The following SLC38A6 variants were observed in gnomAD, a reference collection of about 807,000 sequenced individuals.
SLC38A6 encodes the protein solute carrier family 38 member 6.
In SLC38A6, 73 loss-of-function variants were observed where a neutral mutation model predicts 65.0. The ratio of observed to expected loss-of-function variants is 1.12; its 90% CI spans 0.93 to 1.37. The LOEUF is 1.37. Ranked by LOEUF, SLC38A6 falls within the 40% of genes most tolerant of loss-of-function variation. The probability of loss-of-function intolerance (pLI) is 0.00; values close to 1 mark genes in which losing one functional copy is unlikely to be tolerated. For synonymous variants in SLC38A6, 183 were observed against 178.8 expected (o/e 1.02, Z -0.19); for missense variants, 561 against 531.1 (o/e 1.06, Z -0.55).
chr14:61,047,903 A>G (rs2042247990), intron 12 of SLC38A6, among the ~76,000 whole-genome samples: 1 of 152,036 alleles, frequency 6.6e-6, no homozygotes, highest in Non-Finnish European at 1.5e-5. Flanking sequence ...TATATGATTG[A>G]TTAATAGGTA....
intron 4 of SLC38A6, among the ~76,000 whole-genome samples, chr14:61,017,497 A>G (rs955198112): frequency 2.6e-5 from 4 of 152,218 alleles, no homozygotes; most frequent in African/African-American, 9.6e-5. Context: ...TTTCTGTTCT[A>G]GAGGATTAGG....
chr14:60,989,448 G>T (rs2037699682), intron 3 of SLC38A6, among the ~76,000 whole-genome samples: 1 of 152,102 alleles, frequency 6.6e-6, no homozygotes, highest in Non-Finnish European at 1.5e-5. Context: ...ACCAGGCCAG[G>T]TGTGGTGTCT....
chr14:60,984,935 A>C, intron 3 of SLC38A6, 132 bp downstream of exon 3: 1 of 853,174 alleles, frequency 1.2e-6, no homozygotes, highest in Non-Finnish European at 1.8e-6. Flanking sequence ...ATCGGAATGG[A>C]GAATTTGAAA....
At chr14:61,037,019 C>T (rs1468026623) in intron 6 of SLC38A6, 40 bp from the exon 7 acceptor site, 3 of 1,055,752 alleles carry the variant, frequency 2.8e-6, no homozygotes, top group African/African-American at 1.6e-5. Flanking sequence ...AGAACAAACA[C>T]TGGAGTCCCA....
chr14:61,022,029 T>G (rs563478167), intron 5 of SLC38A6, among the ~76,000 whole-genome samples: 2 of 152,296 alleles, frequency 1.3e-5, no homozygotes, highest in Non-Finnish European at 2.9e-5. Context: ...TTTGTTAAAT[T>G]GTTGGACGGT....
intron 3 of SLC38A6, among the ~76,000 whole-genome samples, chr14:61,000,876 G>A (rs1211783893): frequency 6.6e-6 from 1 of 152,110 alleles, no homozygotes; most frequent in Non-Finnish European, 1.5e-5. Context: ...TGACTGAAAG[G>A]CAATAGATAT....
intron 8 of SLC38A6, among the ~76,000 whole-genome samples, chr14:61,042,727 T>C (rs2041884275): frequency 6.6e-6 from 1 of 152,230 alleles, no homozygotes; most frequent in African/African-American, 2.4e-5. Context: ...ATAAAGTCTG[T>C]ACTTATTTCT....
At chr14:61,026,884 A>C (rs558836437) in intron 5 of SLC38A6, among the ~76,000 whole-genome samples, 1 of 152,220 alleles carries the variant, frequency 6.6e-6, no homozygotes, top group African/African-American at 2.4e-5. Flanking sequence ...GTAGGCATCT[A>C]AAAAACAAAG....
intron 5 of SLC38A6, among the ~76,000 whole-genome samples, chr14:61,029,665 C>T (rs188323576): frequency 1.3e-5 from 2 of 152,078 alleles, no homozygotes; most frequent in African/African-American, 4.8e-5. Flanking sequence ...GAATTAGGAT[C>T]GTTATTAAAG....
chr14:61,075,544 A>G (rs1057413449), intron 15 of SLC38A6, among the ~76,000 whole-genome samples: 13 of 152,210 alleles, frequency 8.5e-5, no homozygotes, highest in African/African-American at 2.9e-4. Flanking sequence ...TTGGCAATAT[A>G]TTGTCATTTC....
intron 5 of SLC38A6, among the ~76,000 whole-genome samples, chr14:61,024,488 A>C (rs2040506326): frequency 6.6e-6 from 1 of 152,160 alleles, no homozygotes; most frequent in Non-Finnish European, 1.5e-5. Context: ...TGTGTCTGGA[A>C]GTTTTAACAT....
chr14:61,066,055 T>C (rs1033674934), intron 15 of SLC38A6, among the ~76,000 whole-genome samples: 1 of 152,244 alleles, frequency 6.6e-6, no homozygotes, highest in Non-Finnish European at 1.5e-5. Context: ...TTAAACATAC[T>C]TTACTTCCTG....
intron 3 of SLC38A6, among the ~76,000 whole-genome samples, chr14:60,989,053 C>T (rs564163774): frequency 6.6e-6 from 1 of 152,264 alleles, no homozygotes; most frequent in South Asian, 2.1e-4. Context: ...GTCAAACCTT[C>T]GACACTTTTT....
intron 6 of SLC38A6, among the ~76,000 whole-genome samples, chr14:61,035,997 C>T (rs972338264): frequency 1.3e-5 from 2 of 151,730 alleles, no homozygotes; most frequent in African/African-American, 4.8e-5. Context: ...ATTCTGTATT[C>T]TAATGCCTTT....
chr14:61,043,306 T>G, intron 9 of SLC38A6, 94 bp downstream of exon 9: 3 of 1,053,652 alleles, frequency 2.8e-6, no homozygotes, highest in Non-Finnish European at 4.2e-6. Context: ...GATGAAAAAG[T>G]AATGGCTATA....
chr14:61,023,584 TA>T (rs756971134), intron 5 of SLC38A6, among the ~76,000 whole-genome samples: 1,596 of 32,076 alleles, frequency 0.05, 25 homozygotes, highest in African/African-American at 0.073. Context: ...ATAATAATAA[TA>T]ATAATATATA....
At chr14:61,039,404 TCTGTC>T (rs2041632621) in intron 8 of SLC38A6, among the ~76,000 whole-genome samples, 2 of 152,130 alleles carry the variant, frequency 1.3e-5, no homozygotes, top group South Asian at 4.1e-4. Context: ...AGAGTTTTGC[TCTGTC>T]ACCCAGGGTG....
In SLC38A6 at chr14:61,050,511, G is replaced by T. The variant is rs773704150; in HGVS notation, c.926-1G>T. ...TGTGATCCTTATTATTTTATTTACA[G>T]ACAAAGTGGAGTCAGAATTACTAAA... On this transcript the variant is annotated splice_acceptor_variant, in intron 12 of 15. Coordinates refer to ENST00000267488, the MANE Select transcript of SLC38A6 (RefSeq NM_153811.3). LOFTEE classifies it high-confidence loss of function. 14 of 1,506,086 alleles carry T rather than the reference G, an allele frequency of 9.3e-6. No homozygotes were observed. The East Asian group carries it at 3.0e-4, about 32-fold the overall frequency. The allele number at this position is 1,506,086 out of a possible 1,614,324, so 93.3% of individuals were successfully genotyped here. A position where few individuals can be genotyped will look rare whatever the true frequency, so the allele number is the denominator to read the frequency against.
At chr14:60,981,815 A>G in intron 1 of SLC38A6, 1 of 1,007,326 alleles carries the variant, frequency 9.9e-7, no homozygotes, top group Non-Finnish European at 1.3e-6. Flanking sequence ...TAATACAGAA[A>G]TTCTTAGCGG....
Sources: gnomAD v4.1 joint callset for allele counts (sites outside exome capture counted in the v4.1 genomes callset) on GRCh38, gnomAD v4.1.1 for gene constraint, MANE v1.5 for transcripts, NCBI Gene and HGNC (gene_info 2026-07-23, HGNC 2026-07-21) for gene names.